The following GATD1 variants were observed in gnomAD, a reference collection of about 807,000 sequenced individuals.
GATD1 encodes glutamine amidotransferase-like class 1 domain-containing protein 1.
A neutral mutation model predicts 25.9 loss-of-function variants in GATD1; 23 were observed. That is an observed-to-expected ratio of 0.89 (90% CI 0.64 to 1.26). The LOEUF (loss-of-function observed/expected upper bound fraction) is 1.26. Among genes scored for constraint, GATD1 ranks in the 50% most tolerant of loss-of-function variants. GATD1 has a pLI of 0.00. For missense variants in GATD1, 347 were observed against 312.5 expected, an observed-to-expected ratio of 1.11 and a Z score of -0.83; for synonymous variants, 177 against 134.6, an observed-to-expected ratio of 1.31 and a Z score of -2.18.
Position 767,700 on chromosome 11 carries a change from T to C in GATD1, c.*3197A>G, listed in dbSNP as rs1590075157. On this transcript the variant is annotated 3_prime_UTR_variant, in exon 8 of 8. Coordinates refer to ENST00000319863, the MANE Select transcript of GATD1 (RefSeq NM_182612.4). The stretch of plus-strand genomic sequence containing the variant: ...GGTATTAGGTGGGGCATTTGGGAGG[T>C]CATCCGGTCACAGGGCAGGGGCACA... 9.8e-6 allele frequency: 10 copies of C among 1,017,002 alleles called. No individual in the cohort carries two copies. In the East Asian group the frequency reaches 5.3e-4, roughly 54 times the overall value. The allele number at this position is 1,017,002 out of a possible 1,614,324, so 63.0% of individuals were successfully genotyped here. A position where few individuals can be genotyped will look rare whatever the true frequency, so the allele number is the denominator to read the frequency against.
rs958131541 is a variant in GATD1 at position 769,158 on chromosome 11, TGA to T, written c.*1737_*1738del. ...ACAGAGGTCCATCACCACACGGGGA[TGA>T]GAGTGGACCCGGGACAGAGCAAGGC... On this transcript the variant is annotated 3_prime_UTR_variant, in exon 8 of 8. Transcript: ENST00000319863. 5.1e-6 allele frequency: 5 copies of T among 985,328 alleles called. No individual in the cohort carries two copies. Among genetic ancestry groups the T allele is most frequent in the South Asian group, 9.4e-5 (2 of 21,278 alleles). The allele number at this position is 985,328 out of a possible 1,614,324, so 61.0% of individuals were successfully genotyped here.
intron 4 of GATD1, 66 bp from the exon 5 acceptor site, chr11:772,587 T>C (rs186957346): frequency 1.4e-6 from 2 of 1,445,966 alleles, no homozygotes; most frequent in East Asian, 2.3e-5. Context: ...CCCTCCCAGA[T>C]GCCCCTGCTT....
chr11:771,925 C>T (rs1274088705), intron 5 of GATD1, among the ~76,000 whole-genome samples: 1 of 152,136 alleles, frequency 6.6e-6, no homozygotes, highest in Non-Finnish European at 1.5e-5. Context: ...TCCAGTGAAA[C>T]CAGCCTCCGC....
At position 770,623 on chromosome 11, in the gene GATD1, C is replaced by T; in HGVS notation, c.*274G>A. ...AACCCAGCCTGGAATTCCCGAGGACCACCTAGCAGCTAGCACAGCTCTCCA... is the reference window on the plus strand; with the variant it reads ...AACCCAGCCTGGAATTCCCGAGGACTACCTAGCAGCTAGCACAGCTCTCCA... On this transcript the variant is annotated 3_prime_UTR_variant, in exon 8 of 8. Transcript: ENST00000319863. 1 of 1,413,310 alleles carries T rather than the reference C, an allele frequency of 7.1e-7. No homozygotes were observed. Among genetic ancestry groups the T allele is most frequent in the Non-Finnish European group, 9.2e-7 (1 of 1,087,160 alleles). The allele number at this position is 1,413,310 out of a possible 1,614,324, so 87.5% of individuals were successfully genotyped here. A position where few individuals can be genotyped will look rare whatever the true frequency, so the allele number is the denominator to read the frequency against.
At chr11:775,423 C>T (rs7948070) in intron 1 of GATD1, among the ~76,000 whole-genome samples, 68,917 of 152,148 alleles carry the variant, frequency 0.45, 15,985 homozygotes, top group East Asian at 0.56. Flanking sequence ...CGGGCTCTTT[C>T]CCCAGCCTGG....
Position 769,757 on chromosome 11 carries a change from C to T in GATD1, c.*1140G>A, listed in dbSNP as rs1010850289. ...CCCAAGTAGCTGGGACTACACACAC[C>T]CACCACCATGCCAGGCTAACTTTTT... is the stretch of plus-strand genomic sequence containing the variant. On this transcript the variant is annotated 3_prime_UTR_variant, in exon 8 of 8. Transcript: ENST00000319863. The T allele has an allele frequency of 1.7e-5, 4 of 241,960 alleles. No individual in the cohort carries two copies. The highest frequency in any genetic ancestry group is 2.7e-5 in the Non-Finnish European group (4 of 150,380). 15.0% of individuals were successfully genotyped at this position (241,960 alleles called of 1,614,324 possible).
chr11:772,837 G>A (rs1362451544), intron 4 of GATD1, among the ~76,000 whole-genome samples: 3 of 152,206 alleles, frequency 2.0e-5, no homozygotes, highest in Non-Finnish European at 4.4e-5. Flanking sequence ...ACCCTAGGAC[G>A]CTGCCCGGCA....
Position 767,600 on chromosome 11 carries a change from T to C in GATD1, c.*3297A>G. 1 of 1,396,692 alleles carries C rather than the reference T, an allele frequency of 7.2e-7. No homozygotes were observed. 86.5% of individuals were successfully genotyped at this position (1,396,692 alleles called of 1,614,324 possible). On this transcript the variant is annotated 3_prime_UTR_variant, in exon 8 of 8. Transcript: ENST00000319863. The stretch of plus-strand genomic sequence containing the variant: ...GAGGGGCTCAATGAGGCTCACTGGC[T>C]CTTCATGCACCCTGCTGTGGCCTGA...
rs1470140401 is a variant in GATD1, at chr11:772,429, CT to C, written c.447del (p.Ser152LeufsTer22). ...RSWVFDSYSL[T>X]GPSVCELVRA... ...TGCCTCGGCCTCCAGACACTCACCCCTGTCAGGCTGTAGCTGTCGAACACCC... is the reference window on the plus strand; with the variant it reads ...TGCCTCGGCCTCCAGACACTCACCCCGTCAGGCTGTAGCTGTCGAACACCC... On this transcript the variant is annotated frameshift_variant, in exon 5 of 8. Coordinates refer to ENST00000319863, the MANE Select transcript of GATD1 (RefSeq NM_182612.4). LOFTEE classifies it high-confidence loss of function. 1.9e-6 allele frequency: 3 copies of C among 1,612,918 alleles called. No homozygotes were observed. The highest frequency in any genetic ancestry group is 1.6e-4 in the Middle Eastern group (1 of 6,062).
intron 4 of GATD1, 150 bp from the exon 5 acceptor site, chr11:772,671 G>A (rs1010059850): frequency 2.3e-5 from 16 of 684,782 alleles, no homozygotes; most frequent in Admixed American, 1.1e-4. Context: ...CTCAGCACCC[G>A]GGTGTCCTGG....
rs1863297287 is a variant in GATD1, at chr11:770,056, G to T, written c.*841C>A. 8.6e-7 allele frequency: 1 copy of T among 1,162,684 alleles called. No individual in the cohort carries two copies. The highest frequency in any genetic ancestry group is 4.7e-5 in the Admixed American group (1 of 21,390). The allele number at this position is 1,162,684 out of a possible 1,614,324, so 72.0% of individuals were successfully genotyped here. ...CTTCGATGGCTCAAACTGGGGAACT[G>T]TGAGGAAGTAGAGGGCCTAAGCCTC... On this transcript the variant is annotated 3_prime_UTR_variant, in exon 8 of 8. Coordinates refer to ENST00000319863, the MANE Select transcript of GATD1 (RefSeq NM_182612.4).
chr11:774,685 C>T (rs545523193), intron 2 of GATD1, among the ~76,000 whole-genome samples: 41 of 152,328 alleles, frequency 2.7e-4, no homozygotes, highest in South Asian at 1.4e-3. Context: ...ACAAAATGAG[C>T]TGGGCGTGGT....
At chr11:774,211 C>T in intron 2 of GATD1, 98 bp from the exon 3 acceptor site, 1 of 1,004,704 alleles carries the variant, frequency 1.0e-6, no homozygotes, top group Middle Eastern at 2.1e-4. Context: ...CCAACAGCAT[C>T]CCCCTGAGGC....
Position 771,203 on chromosome 11 carries a change from C to T in GATD1, c.545-99G>A, listed in dbSNP as rs139537729. On this transcript the variant is annotated intron_variant, in intron 6 of 7. Coordinates refer to ENST00000319863, the MANE Select transcript of GATD1 (RefSeq NM_182612.4). The stretch of plus-strand genomic sequence containing the variant: ...CTCCCAGGGTCAGCAGTAGGTCAGC[C>T]TGTCTGGGTCTGAGTCAGTGCCATG... 8.5e-4 allele frequency: 1,317 copies of T among 1,544,890 alleles called. 6 individuals carry two copies. The African/African-American group carries it at 0.014, about 16-fold the overall frequency.
chr11:772,589 C>A (rs966964342), intron 4 of GATD1, 68 bp from the exon 5 acceptor site: 4 of 1,446,652 alleles, frequency 2.8e-6, no homozygotes, highest in African/African-American at 1.4e-5. Context: ...CTCCCAGATG[C>A]CCCTGCTTGT....
chr11:776,080 T>C (rs1385423025), intron 1 of GATD1, among the ~76,000 whole-genome samples: 2 of 136,060 alleles, frequency 1.5e-5, no homozygotes, highest in Non-Finnish European at 3.1e-5. Flanking sequence ...CCTTCCAGGC[T>C]CAAGCAATTC....
chr11:775,274 G>A (rs1386935533), intron 1 of GATD1, 132 bp from the exon 2 acceptor site: 1 of 699,630 alleles, frequency 1.4e-6, no homozygotes, highest in Non-Finnish European at 2.3e-6. Context: ...CTACACCCAA[G>A]AACGACTACT....
At position 770,185 on chromosome 11, in the gene GATD1, C is replaced by A; in HGVS notation, c.*712G>T. 7 of 1,282,404 alleles carry A rather than the reference C, an allele frequency of 5.5e-6. 1 individual carries two copies. The highest frequency in any genetic ancestry group is 5.9e-6 in the Non-Finnish European group (6 of 1,012,466). 79.4% of individuals were successfully genotyped at this position (1,282,404 alleles called of 1,614,324 possible). ...CCACTGTCTGCTCTTGATAGCCGCT[C>A]TACCCGAGGCCACTGTGCAAGGCCG... On this transcript the variant is annotated 3_prime_UTR_variant, in exon 8 of 8. Coordinates refer to ENST00000319863, the MANE Select transcript of GATD1 (RefSeq NM_182612.4).
At position 777,383 on chromosome 11, in the gene GATD1, G is replaced by A; in HGVS notation, c.64+16C>T. ...CGGACGCTCTTCGGACACTGGCCCC[G>A]GCCGCCGGGCCTCACCTTCGGCGGC... is the stretch of plus-strand genomic sequence containing the variant. On this transcript the variant is annotated intron_variant, in intron 1 of 7. Coordinates refer to ENST00000319863, the MANE Select transcript of GATD1 (RefSeq NM_182612.4). 4 of 1,294,260 alleles carry A rather than the reference G, an allele frequency of 3.1e-6. No homozygotes were observed. Among genetic ancestry groups the A allele is most frequent in the Non-Finnish European group, 3.9e-6 (4 of 1,018,764 alleles). The allele number at this position is 1,294,260 out of a possible 1,614,324, so 80.2% of individuals were successfully genotyped here. A position where few individuals can be genotyped will look rare whatever the true frequency, so the allele number is the denominator to read the frequency against.
Sources: gnomAD v4.1 joint callset for allele counts (sites outside exome capture counted in the v4.1 genomes callset) on GRCh38, gnomAD v4.1.1 for gene constraint, MANE v1.5 for transcripts, NCBI Gene and HGNC (gene_info 2026-07-23, HGNC 2026-07-21) for gene names.